SETD5: variants seen among roughly 807,000 people sequenced by gnomAD.
SETD5 encodes the protein SET domain containing 5.
In SETD5, 44 loss-of-function variants were observed where a neutral mutation model predicts 153.3. That is an observed-to-expected ratio of 0.29 (90% CI 0.23 to 0.37). The LOEUF is 0.37. Ranked by LOEUF, SETD5 falls within the 10% of genes least tolerant of loss-of-function variation. The pLI is 1.00. For missense variants in SETD5, 1,544 were observed against 1,768.0 expected (o/e 0.87, Z 2.27); for synonymous variants, 716 against 645.2 (o/e 1.11, Z -1.66).
intron 1 of SETD5, among the ~76,000 whole-genome samples, chr3:9,417,033 TTC>T (rs1391949708): frequency 1.3e-5 from 2 of 152,148 alleles, no homozygotes; most frequent in Non-Finnish European, 2.9e-5. Flanking sequence ...AACAAAAATG[TTC>T]TTGTTCCATT....
chr3:9,432,135 T>C (rs1262620771), intron 3 of SETD5: 1 of 203,818 alleles, frequency 4.9e-6, no homozygotes, highest in Non-Finnish European at 8.7e-6. Flanking sequence ...ATCATCTTTT[T>C]CTCAAGAATA....
At chr3:9,470,419 C>G in intron 18 of SETD5, 40 bp from the exon 19 acceptor site, 5 of 1,519,990 alleles carry the variant, frequency 3.3e-6, no homozygotes, top group Non-Finnish European at 4.5e-6. Context: ...TTTTTCCTTT[C>G]TCCCCTACCC....
In SETD5 at chr3:9,434,502, T is replaced by A. The variant is rs1397336422; in HGVS notation, c.329+17T>A. On this transcript the variant is annotated intron_variant, in intron 5 of 22. Coordinates refer to ENST00000402198, the MANE Select transcript of SETD5 (RefSeq NM_001080517.3). The surrounding 1 kb of genome is among the most constrained non-coding windows in gnomAD (Gnocchi z 5.6). ...CAAGTGCAGGTAAGATCCTGTTCCA[T>A]CTAAATTTAAGTCTGGGTTGCTGGG... The A allele has an allele frequency of 6.2e-7, 1 of 1,613,792 alleles. No homozygotes were observed. Among genetic ancestry groups the A allele is most frequent in the South Asian group, 1.1e-5 (1 of 91,058 alleles).
At position 9,475,121 on chromosome 3, in the gene SETD5, G is replaced by A; in HGVS notation, c.3685G>A (p.Ala1229Thr). The A allele has an allele frequency of 6.3e-7, 1 of 1,592,396 alleles. No homozygotes were observed. Among genetic ancestry groups the A allele is most frequent in the Middle Eastern group, 1.7e-4 (1 of 6,038 alleles). Residue 1229 changes from alanine (A) to threonine (T), a missense_variant, in exon 22 of 23, where the codon GCA (alanine) becomes ACA (threonine). Physicochemically the swap from Ala to Thr is moderately conservative, Grantham distance 58. Coordinates refer to ENST00000402198, the MANE Select transcript of SETD5 (RefSeq NM_001080517.3). ...ETLSSALSKG[A>T]TVYSPSRYSY... ...ATTAAGCTCAGCACTCTCTAAAGGA[G>A]CAACAGTTTACAGCCCTTCCAGATA...
chr3:9,464,621 A>G lies in SETD5; in HGVS notation c.2673A>G (p.Pro891=). The change falls in exon 18 of 23, where the codon CCA becomes CCG. Residue 891 remains proline, a synonymous_variant. Transcript: ENST00000402198. Reference sequence around the variant, plus strand: ...ATGGATACAGCCTCATGTTTTCACCAGTCACATCTCTTACTACTGCTAGTC... The same window carrying G: ...ATGGATACAGCCTCATGTTTTCACCGGTCACATCTCTTACTACTGCTAGTC... ...CRNGYSLMFS[P]VTSLTTASRC... 1.2e-6 allele frequency: 2 copies of G among 1,614,004 alleles called. No individual in the cohort carries two copies. Among genetic ancestry groups the G allele is most frequent in the East Asian group, 2.2e-5 (1 of 44,880 alleles).
rs3774065 is a variant in SETD5, at chr3:9,450,348, T to C, written c.2346+1718T>C. Among the ~76,000 whole-genome samples the C allele has an allele frequency of 3.3e-3, 504 of 152,342 alleles. 5 individuals are homozygous for C. The East Asian group carries it at 0.047, about 14-fold the overall frequency. On this transcript the variant is annotated intron_variant, in intron 16 of 22. Transcript: ENST00000402198. ...TTATCTATGTGTCATGGTTAGTCTTTAGGAAGAGTTTAGGCTGCATACACA... is the reference window on the plus strand; with the variant it reads ...TTATCTATGTGTCATGGTTAGTCTTCAGGAAGAGTTTAGGCTGCATACACA...
intron 7 of SETD5, among the ~76,000 whole-genome samples, chr3:9,439,074 C>T (rs908155392): frequency 6.6e-6 from 1 of 152,190 alleles, no homozygotes; most frequent in Non-Finnish European, 1.5e-5. Context: ...GTAAGTTTAA[C>T]AATTGCCACT....
At chr3:9,407,158 T>C (rs1364983460) in intron 1 of SETD5, among the ~76,000 whole-genome samples, 1 of 152,054 alleles carries the variant, frequency 6.6e-6, no homozygotes, top group East Asian at 1.9e-4. Context: ...TGAAATGCCA[T>C]TTCTACTAAA....
intron 18 of SETD5, among the ~76,000 whole-genome samples, chr3:9,467,693 C>A (rs906163542): frequency 6.6e-6 from 1 of 152,120 alleles, no homozygotes; most frequent in Non-Finnish European, 1.5e-5. Context: ...CTACCACCTT[C>A]ACTCTCTTCA....
intron 2 of SETD5, among the ~76,000 whole-genome samples, chr3:9,428,265 A>G (rs146714185): frequency 1.1e-3 from 174 of 152,370 alleles, no homozygotes; most frequent in African/African-American, 3.9e-3. Flanking sequence ...ATTTAAAAGA[A>G]GGAAGAGAGT....
intron 7 of SETD5, among the ~76,000 whole-genome samples, chr3:9,439,462 A>T (rs1460561705): frequency 1.3e-5 from 2 of 152,226 alleles, no homozygotes; most frequent in Admixed American, 1.3e-4. Context: ...ACCTGTTTGC[A>T]AGTTTAATGT....
intron 3 of SETD5, chr3:9,433,375 C>T (rs2040194257): frequency 2.3e-6 from 3 of 1,289,628 alleles, no homozygotes; most frequent in Non-Finnish European, 3.0e-6. Context: ...TTCAGGGTAT[C>T]CTGTCTTGGT....
intron 19 of SETD5, 28 bp from the exon 20 acceptor site, chr3:9,473,208 T>TTTTG: frequency 6.2e-7 from 1 of 1,601,968 alleles, no homozygotes; most frequent in Non-Finnish European, 8.5e-7. Context: ...GAGTACCGTT[T>TTTTG]TTTGTTTGTT....
intron 12 of SETD5, 69 bp from the exon 13 acceptor site, chr3:9,445,588 T>G (rs369135970): frequency 4.7e-5 from 64 of 1,370,026 alleles, no homozygotes; most frequent in East Asian, 4.4e-4. Context: ...AGTTTTAAGC[T>G]ACCAGAATAA....
At chr3:9,474,976 G>C (rs780459562) in intron 21 of SETD5, 92 bp from the exon 22 acceptor site, 2 of 1,145,504 alleles carry the variant, frequency 1.7e-6, no homozygotes, top group Non-Finnish European at 2.5e-6. Flanking sequence ...GTACGGGTTG[G>C]TGATGGCACT....
intron 2 of SETD5, 26 bp from the exon 3 acceptor site, chr3:9,428,797 C>T: frequency 2.1e-6 from 1 of 478,980 alleles, no homozygotes. Flanking sequence ...ATTTATTTTA[C>T]TAGATATTTT....
rs1277909579 is a variant in SETD5 at position 9,476,575 on chromosome 3, T to C, written c.*484T>C. Reference sequence around the variant, plus strand: ...ATGCACTTAAGAAAAAAGGTAGGTATGTAAATGTTCATCCTAAGACAACCA... The same window carrying C: ...ATGCACTTAAGAAAAAAGGTAGGTACGTAAATGTTCATCCTAAGACAACCA... On this transcript the variant is annotated 3_prime_UTR_variant, in exon 23 of 23. Coordinates refer to ENST00000402198, the MANE Select transcript of SETD5 (RefSeq NM_001080517.3). 6.5e-6 allele frequency: 1 copy of C among 154,872 alleles called. No homozygotes were observed. Among genetic ancestry groups the C allele is most frequent in the Non-Finnish European group, 1.4e-5 (1 of 69,640 alleles). The allele number at this position is 154,872 out of a possible 1,614,324, so 9.6% of individuals were successfully genotyped here. A position where few individuals can be genotyped will look rare whatever the true frequency, so the allele number is the denominator to read the frequency against.
chr3:9,436,994 T>C, intron 7 of SETD5: 2 of 1,013,090 alleles, frequency 2.0e-6, no homozygotes, highest in Non-Finnish European at 2.9e-6. Context: ...GACTCTGCTT[T>C]TCATTAGTTT....
intron 17 of SETD5, among the ~76,000 whole-genome samples, chr3:9,461,970 A>G (rs895397708): frequency 3.3e-5 from 5 of 152,234 alleles, no homozygotes; most frequent in Admixed American, 1.3e-4. Context: ...AGTATCTGGA[A>G]CAAAAGGAAG....
Sources: allele counts gnomAD v4.1 joint callset (sites outside exome capture counted in the v4.1 genomes callset), GRCh38; gene constraint gnomAD v4.1.1; non-coding constraint Gnocchi (gnomAD v3.1); transcripts MANE v1.5; gene names NCBI Gene and HGNC (gene_info 2026-07-23, HGNC 2026-07-21).